The following DCDC1 variants were observed in gnomAD, a reference collection of about 807,000 sequenced individuals.
The protein encoded by DCDC1 is doublecortin domain containing 1.
Under a neutral mutation model 178.3 loss-of-function variants are expected in DCDC1, and 200 were observed. The observed-to-expected ratio is 1.12, with a 90% CI of 1.00 to 1.26. The LOEUF (loss-of-function observed/expected upper bound fraction) is 1.26, where lower values mean the gene tolerates loss of function less well. Ranked by LOEUF, DCDC1 falls within the 50% of genes most tolerant of loss-of-function variation. DCDC1 has a pLI of 0.00. For missense variants in DCDC1, 1,983 were observed against 1,749.2 expected (o/e 1.13, Z -2.38); for synonymous variants, 690 against 604.8 (o/e 1.14, Z -2.07).
intron 1 of DCDC1, among the ~76,000 whole-genome samples, chr11:31,351,053 T>C (rs1409907767): frequency 6.6e-6 from 1 of 152,034 alleles, no homozygotes; most frequent in East Asian, 1.9e-4. Context: ...AAAAACTACA[T>C]TTCAAGATTG....
In DCDC1 at chr11:30,997,457, A is replaced by G. The variant is rs567388161; in HGVS notation, c.2592-44889T>C. Among the ~76,000 whole-genome samples, 90 of 152,286 alleles carry G rather than the reference A, an allele frequency of 5.9e-4. 1 individual carries two copies. The highest frequency in any genetic ancestry group is 2.0e-3 in the African/African-American group (85 of 41,556). ...CCTCACTGAAGGGGTAAGGAAGAAA[A>G]GCGCTAATCTAGTAACTGGAAAACA... is the stretch of plus-strand genomic sequence containing the variant. On this transcript the variant is annotated intron_variant, in intron 20 of 38. Transcript: ENST00000684477.
At chr11:30,973,125 A>C (rs1302732797) in intron 20 of DCDC1, among the ~76,000 whole-genome samples, 1 of 151,874 alleles carries the variant, frequency 6.6e-6, no homozygotes, top group East Asian at 1.9e-4. Flanking sequence ...TACAAAATTT[A>C]GCCAGGCGTG....
At chr11:30,983,119 A>C (rs933981661) in intron 20 of DCDC1, among the ~76,000 whole-genome samples, 3 of 152,182 alleles carry the variant, frequency 2.0e-5, no homozygotes, top group Non-Finnish European at 4.4e-5. Flanking sequence ...TTTTATGTGC[A>C]TTTTGTACAC....
intron 8 of DCDC1, among the ~76,000 whole-genome samples, chr11:31,259,159 T>A (rs1321484017): frequency 2.0e-5 from 3 of 151,996 alleles, no homozygotes; most frequent in Non-Finnish European, 4.4e-5. Flanking sequence ...AAGACCAACC[T>A]GGCCAACATG....
At chr11:31,151,617 T>C (rs774383544) in intron 9 of DCDC1, among the ~76,000 whole-genome samples, 1 of 152,170 alleles carries the variant, frequency 6.6e-6, no homozygotes. Flanking sequence ...TACTCAGAGG[T>C]GCTGTTAACA....
chr11:31,356,004 T>A (rs1232449231), intron 1 of DCDC1, among the ~76,000 whole-genome samples: 1 of 152,178 alleles, frequency 6.6e-6, no homozygotes, highest in Non-Finnish European at 1.5e-5. Flanking sequence ...AATGAGTAAC[T>A]ATTCCCAATC....
chr11:31,314,048 T>A (rs1948920797), intron 3 of DCDC1, among the ~76,000 whole-genome samples: 1 of 152,214 alleles, frequency 6.6e-6, no homozygotes, highest in African/African-American at 2.4e-5. Flanking sequence ...ATGATTTCTA[T>A]GCCAACCCCA....
intron 37 of DCDC1, among the ~76,000 whole-genome samples, chr11:30,880,311 G>A (rs1415089643): frequency 6.6e-6 from 1 of 152,124 alleles, no homozygotes; most frequent in Admixed American, 6.6e-5. Context: ...CCTCAGAACA[G>A]TGCTAGGCAT....
chr11:31,202,083 G>A (rs1331601805), intron 9 of DCDC1, among the ~76,000 whole-genome samples: 5 of 152,170 alleles, frequency 3.3e-5, no homozygotes, highest in African/African-American at 1.2e-4. Context: ...GTGCACTGCA[G>A]TGTCAAAAAC....
chr11:31,210,819 C>T, intron 9 of DCDC1, among the ~76,000 whole-genome samples: 1 of 152,012 alleles, frequency 6.6e-6, no homozygotes, highest in East Asian at 1.9e-4. Flanking sequence ...TTAATACTAA[C>T]CCTAAGATAT....
At chr11:31,368,442 C>T (rs1369909502) in intron 1 of DCDC1, among the ~76,000 whole-genome samples, 1 of 152,112 alleles carries the variant, frequency 6.6e-6, no homozygotes, top group African/African-American at 2.4e-5. Context: ...AAAGCATTCA[C>T]CACACTACTT....
chr11:31,209,366 G>C (rs867651858), intron 9 of DCDC1, among the ~76,000 whole-genome samples: 2 of 152,306 alleles, frequency 1.3e-5, no homozygotes, highest in Middle Eastern at 3.4e-3. Context: ...TCTGAGAGGG[G>C]AAGTAAAACC....
intron 11 of DCDC1, among the ~76,000 whole-genome samples, chr11:31,124,092 T>C (rs1241449932): frequency 6.6e-6 from 1 of 152,052 alleles, no homozygotes; most frequent in Non-Finnish European, 1.5e-5. Context: ...ATCCTTGTCT[T>C]GTACCAGTTT....
At chr11:31,228,380 A>G (rs992691967) in intron 9 of DCDC1, among the ~76,000 whole-genome samples, 16 of 152,142 alleles carry the variant, frequency 1.1e-4, no homozygotes, top group African/African-American at 3.9e-4. Flanking sequence ...AAATGAAAAC[A>G]GCGTACTGAA....
chr11:31,055,859 G>A (rs1955552317), intron 20 of DCDC1, among the ~76,000 whole-genome samples: 1 of 152,124 alleles, frequency 6.6e-6, no homozygotes, highest in African/African-American at 2.4e-5. Flanking sequence ...GGGAAGGATG[G>A]GAGTGGGGTG....
rs1052708098 is a variant in DCDC1 at position 30,990,254 on chromosome 11, A to C, written c.2592-37686T>G. On this transcript the variant is annotated intron_variant, in intron 20 of 38. Transcript: ENST00000684477. ...TTTGGTACCTTAAGAGAGATACAAA[A>C]ACATTCTTCTTATTCCTGTAAGATC... 2.6e-4 allele frequency among the ~76,000 whole-genome samples: 40 copies of C among 152,176 alleles called. 1 individual carries two copies. The highest frequency in any genetic ancestry group is 9.4e-4 in the African/African-American group (39 of 41,432).
At chr11:31,326,028 T>C (rs1949626904) in intron 3 of DCDC1, among the ~76,000 whole-genome samples, 2 of 152,136 alleles carry the variant, frequency 1.3e-5, no homozygotes, top group African/African-American at 4.8e-5. Context: ...AACTCATCAT[T>C]TTCTTTTTCA....
At chr11:31,125,475 T>C (rs955717153) in intron 11 of DCDC1, among the ~76,000 whole-genome samples, 5 of 152,118 alleles carry the variant, frequency 3.3e-5, no homozygotes, top group Non-Finnish European at 7.4e-5. Context: ...TACATGCATG[T>C]GTATGTTCAT....
intron 32 of DCDC1, among the ~76,000 whole-genome samples, chr11:30,901,391 G>A (rs1944660386): frequency 6.6e-6 from 1 of 152,146 alleles, no homozygotes; most frequent in South Asian, 2.1e-4. Context: ...TGATAACTGA[G>A]CTTTAGTGAC....
Sources: gnomAD v4.1 joint callset for allele counts (sites outside exome capture counted in the v4.1 genomes callset) on GRCh38, gnomAD v4.1.1 for gene constraint, MANE v1.5 for transcripts, NCBI Gene and HGNC (gene_info 2026-07-23, HGNC 2026-07-21) for gene names.